COL19A1: variants seen among roughly 807,000 people sequenced by gnomAD.
COL19A1 encodes the protein collagen alpha-1(XIX) chain.
COL19A1 carries 159 observed loss-of-function variants against 190.2 expected under a neutral mutation model. The ratio of observed to expected loss-of-function variants is 0.84; its 90% CI spans 0.73 to 0.95. The LOEUF is 0.95. COL19A1 is among the 40% of genes least tolerant of loss of function. The pLI is 0.00. For synonymous variants in COL19A1, 509 were observed against 458.9 expected (o/e 1.11, Z -1.39); for missense variants, 1,418 against 1,431.9 (o/e 0.99, Z 0.16).
At chr6:69,880,046 A>G in intron 2 of COL19A1, 1 of 255,160 alleles carries the variant, frequency 3.9e-6, no homozygotes, top group South Asian at 1.7e-4. Context: ...TAATTAGGAA[A>G]AAGTGAAAAA....
intron 36 of COL19A1, among the ~76,000 whole-genome samples, chr6:70,165,553 C>G (rs1765095759): frequency 6.6e-6 from 1 of 152,118 alleles, no homozygotes; most frequent in African/African-American, 2.4e-5. Flanking sequence ...AAATGAGGCT[C>G]AAAGTGAAGG....
chr6:70,085,648 A>G (rs2150169206), intron 15 of COL19A1, among the ~76,000 whole-genome samples: 1 of 152,286 alleles, frequency 6.6e-6, no homozygotes, highest in South Asian at 2.1e-4. Flanking sequence ...GATGTTTCAT[A>G]AGGATTCTTT....
At chr6:69,991,229 C>T (rs1357845617) in intron 11 of COL19A1, among the ~76,000 whole-genome samples, 1 of 152,006 alleles carries the variant, frequency 6.6e-6, no homozygotes, top group Non-Finnish European at 1.5e-5. Flanking sequence ...TGATCTCATT[C>T]TTTTTTATAA....
At position 70,156,197 on chromosome 6, in the gene COL19A1, G is replaced by A. The variant is rs201628097; in HGVS notation, c.2150G>A (p.Gly717Asp). The part of the protein sequence containing the change: ...KSNKGEEGGA[G>D]EPGKYDSMAR... ...AACAAAGGAGAAGAAGGAGGTGCTG[G>A]TGAGCCTGGAAAGTATGATTCCATG... The change falls in exon 32 of 51, where the codon GGT becomes GAT. Residue 717 changes from glycine to aspartate, a missense_variant. Coordinates refer to ENST00000620364, the MANE Select transcript of COL19A1 (RefSeq NM_001858.6). 9.3e-6 allele frequency: 15 copies of A among 1,613,376 alleles called. No homozygotes were observed. The highest frequency in any genetic ancestry group is 3.3e-5 in the South Asian group (3 of 91,084).
chr6:70,055,990 G>A (rs1270226425), intron 14 of COL19A1, among the ~76,000 whole-genome samples: 2 of 151,862 alleles, frequency 1.3e-5, no homozygotes, highest in Non-Finnish European at 2.9e-5. Context: ...TTTTCTGAGA[G>A]TATCATTCAG....
At chr6:69,959,751 CT>C (rs1774655226) in intron 9 of COL19A1, among the ~76,000 whole-genome samples, 1 of 152,168 alleles carries the variant, frequency 6.6e-6, no homozygotes, top group Non-Finnish European at 1.5e-5. Flanking sequence ...AGGTAAGTTA[CT>C]AGTTAGGTGA....
chr6:70,143,982 G>A lies in COL19A1; in HGVS notation c.1627-228G>A, dbSNP rs147046918. Among the ~76,000 whole-genome samples the A allele has an allele frequency of 3.8e-3, 581 of 152,100 alleles. 6 individuals are homozygous for A. The highest frequency in any genetic ancestry group is 0.013 in the African/African-American group (552 of 41,530). ...ATGGGTGAGACGTTCGGTTCAATTC[G>A]ACTTTAGTTTCTTTCCTATGGCATC... On this transcript the variant is annotated intron_variant, in intron 23 of 50. Coordinates refer to ENST00000620364, the MANE Select transcript of COL19A1 (RefSeq NM_001858.6).
intron 11 of COL19A1, among the ~76,000 whole-genome samples, chr6:69,989,076 C>T (rs1248920920): frequency 2.6e-5 from 4 of 152,182 alleles, no homozygotes; most frequent in Non-Finnish European, 5.9e-5. Flanking sequence ...AGCCCCATGG[C>T]ATTTCCCTAA....
intron 18 of COL19A1, among the ~76,000 whole-genome samples, chr6:70,132,730 A>AGGGGTCTTATCT (rs1785601925): frequency 5.9e-5 from 9 of 152,108 alleles, no homozygotes; most frequent in African/African-American, 2.2e-4. Flanking sequence ...CTCTATTTAG[A>AGGGGTCTTATCT]AGTGTTTCAG....
chr6:70,139,911 C>T (rs1786129593), intron 19 of COL19A1, among the ~76,000 whole-genome samples: 1 of 149,478 alleles, frequency 6.7e-6, no homozygotes. Flanking sequence ...CAACTAGGCT[C>T]CCGGGTTTTT....
chr6:70,054,351 AAAAC>A (rs1339717130), intron 14 of COL19A1, among the ~76,000 whole-genome samples: 3 of 152,212 alleles, frequency 2.0e-5, no homozygotes, highest in African/African-American at 4.8e-5. Context: ...ACTCCTCTCA[AAAAC>A]AAACAAACAA....
At position 69,960,048 on chromosome 6, in the gene COL19A1, G is replaced by A. The variant is rs1340169057; in HGVS notation, c.981+8G>A. 6 of 1,608,984 alleles carry A rather than the reference G, an allele frequency of 3.7e-6. No individual in the cohort carries two copies. The highest frequency in any genetic ancestry group is 1.7e-5 in the Admixed American group (1 of 58,992). On this transcript the variant is annotated splice_region_variant and intron_variant, in intron 10 of 50. Transcript: ENST00000620364. ...GGATTCCCTGGTCAAAAGGTAAAGAGTTCTTGAATGTTTCATCTGAGTTAA... is the reference window on the plus strand; with the variant it reads ...GGATTCCCTGGTCAAAAGGTAAAGAATTCTTGAATGTTTCATCTGAGTTAA...
intron 2 of COL19A1, among the ~76,000 whole-genome samples, chr6:69,889,731 A>C (rs931005191): frequency 2.0e-5 from 3 of 152,234 alleles, no homozygotes; most frequent in South Asian, 4.1e-4. Context: ...TCTGTGTCTA[A>C]AGGATTGTAA....
At position 70,107,693 on chromosome 6, in the gene COL19A1, G is replaced by A. The variant is rs1010613285; in HGVS notation, c.1278+5471G>A. On this transcript the variant is annotated intron_variant, in intron 16 of 50. Coordinates refer to ENST00000620364, the MANE Select transcript of COL19A1 (RefSeq NM_001858.6). ...CTATCAATGAATTGCTGAAATAAAA[G>A]ATCACTTTGCATATGTCACACTTAT... 8.1e-4 allele frequency among the ~76,000 whole-genome samples: 124 copies of A among 152,210 alleles called. 1 individual carries two copies. Among genetic ancestry groups the A allele is most frequent in the Non-Finnish European group, 2.1e-4 (14 of 67,988 alleles).
intron 15 of COL19A1, among the ~76,000 whole-genome samples, chr6:70,084,976 G>C (rs1412686896): frequency 6.6e-6 from 1 of 152,086 alleles, no homozygotes; most frequent in Non-Finnish European, 1.5e-5. Flanking sequence ...CAGTTCTTCA[G>C]TTATACAACC....
chr6:69,927,790 T>TAC, intron 4 of COL19A1, 119 bp from the exon 5 acceptor site: 1 of 1,291,926 alleles, frequency 7.7e-7, no homozygotes, highest in Non-Finnish European at 1.1e-6. Context: ...GTGCATAAGT[T>TAC]ACACATTTAC....
intron 1 of COL19A1, among the ~76,000 whole-genome samples, chr6:69,869,696 A>G (rs1767708582): frequency 6.6e-6 from 1 of 152,220 alleles, no homozygotes; most frequent in South Asian, 2.1e-4. Flanking sequence ...AATGTAGGTC[A>G]GTTGTGATGG....
At position 70,210,900 on chromosome 6, in the gene COL19A1, T is replaced by G. The variant is rs143710031; in HGVS notation, c.*3626T>G. Among the ~76,000 whole-genome samples the G allele has an allele frequency of 2.0e-4, 30 of 152,296 alleles. No homozygotes were observed. In the East Asian group the frequency reaches 4.4e-3, roughly 22 times the overall value. On this transcript the variant is annotated 3_prime_UTR_variant, in exon 51 of 51. Transcript: ENST00000620364. ...CTTTGGTTTGTTGACTGTTTTGATT[T>G]TATTTCTTTGGTGGATATATATGTA...
At chr6:69,940,440 T>C (rs1188360769) in intron 9 of COL19A1, among the ~76,000 whole-genome samples, 2 of 152,070 alleles carry the variant, frequency 1.3e-5, no homozygotes, top group African/African-American at 2.4e-5. Flanking sequence ...TCTCTCCTTC[T>C]ATAGAAACTA....
Sources: gnomAD v4.1 joint callset for allele counts (sites outside exome capture counted in the v4.1 genomes callset) on GRCh38, gnomAD v4.1.1 for gene constraint, MANE v1.5 for transcripts, NCBI Gene and HGNC (gene_info 2026-07-23, HGNC 2026-07-21) for gene names.